Variants in CCDC169 observed in about 807,000 individuals in gnomAD.
CCDC169 encodes coiled-coil domain containing 169, also known as coiled-coil domain-containing protein 169.
In CCDC169, 30 loss-of-function variants were observed where a neutral mutation model predicts 36.0. The observed-to-expected ratio is 0.83, with a 90% CI of 0.62 to 1.13. The LOEUF is 1.13. Among genes scored for constraint, CCDC169 ranks in the 50% most tolerant of loss-of-function variants. The pLI, the probability that CCDC169 is intolerant of heterozygous loss-of-function variation, is 0.00. For missense variants in CCDC169, 245 were observed against 245.9 expected, an observed-to-expected ratio of 1.00 and a Z score of 0.03; for synonymous variants, 85 against 81.5, an observed-to-expected ratio of 1.04 and a Z score of -0.23.
At chr13:36,242,079 T>A (rs1830780145) in intron 7 of CCDC169, among the ~76,000 whole-genome samples, 1 of 152,338 alleles carries the variant, frequency 6.6e-6, no homozygotes, top group South Asian at 2.1e-4. Context: ...TCCCCAAACA[T>A]GTTTCCTACA....
At chr13:36,265,360 C>A (rs1016175631) in intron 4 of CCDC169, among the ~76,000 whole-genome samples, 2 of 152,200 alleles carry the variant, frequency 1.3e-5, no homozygotes, top group Non-Finnish European at 2.9e-5. Context: ...AAACTGATCA[C>A]CTTTTCTAAC....
At chr13:36,297,265 GA>G (rs370809094) in intron 1 of CCDC169, among the ~76,000 whole-genome samples, 42 of 146,452 alleles carry the variant, frequency 2.9e-4, no homozygotes, top group African/African-American at 7.5e-4. Flanking sequence ...AGGGATGAAA[GA>G]AAAAAAAAAC....
intron 4 of CCDC169, among the ~76,000 whole-genome samples, chr13:36,259,455 G>A (rs1874339451): frequency 6.6e-6 from 1 of 152,188 alleles, no homozygotes; most frequent in South Asian, 2.1e-4. Context: ...GAAGCAAAAG[G>A]ACACTCCACA....
chr13:36,228,007 C>T (rs567423154), downstream of CCDC169, among the ~76,000 whole-genome samples: 4 of 152,222 alleles, frequency 2.6e-5, no homozygotes, highest in South Asian at 8.3e-4. Flanking sequence ...CATTTCATTC[C>T]TTTCTACTGC....
intron 2 of CCDC169, among the ~76,000 whole-genome samples, chr13:36,284,608 T>C (rs1276983750): frequency 6.6e-6 from 1 of 152,214 alleles, no homozygotes; most frequent in East Asian, 1.9e-4. Context: ...GTCAAAGCAT[T>C]TTCCTTATGT....
At chr13:36,278,625 T>C (rs1469520031) in intron 4 of CCDC169, among the ~76,000 whole-genome samples, 1 of 152,056 alleles carries the variant, frequency 6.6e-6, no homozygotes, top group Non-Finnish European at 1.5e-5. Context: ...CTTCCAGTTG[T>C]CCCCCCATCC....
chr13:36,247,619 A>T (rs1394350036), intron 7 of CCDC169, among the ~76,000 whole-genome samples: 1 of 152,188 alleles, frequency 6.6e-6, no homozygotes, highest in African/African-American at 2.4e-5. Flanking sequence ...GAGAACTAGA[A>T]TTAGAAGTAG....
At chr13:36,288,304 G>A (rs139500103) in intron 2 of CCDC169, among the ~76,000 whole-genome samples, 9 of 152,196 alleles carry the variant, frequency 5.9e-5, no homozygotes, top group African/African-American at 1.2e-4. Context: ...GTGAGCCACC[G>A]TGCCCGACCC....
chr13:36,241,054 GTC>G (rs1871763126), intron 7 of CCDC169, among the ~76,000 whole-genome samples: 1 of 151,928 alleles, frequency 6.6e-6, no homozygotes, highest in South Asian at 2.1e-4. Flanking sequence ...AATCTACATA[GTC>G]TATATAGTAG....
chr13:36,260,651 G>A (rs747420563), intron 4 of CCDC169, among the ~76,000 whole-genome samples: 3 of 152,118 alleles, frequency 2.0e-5, no homozygotes, highest in Non-Finnish European at 4.4e-5. Flanking sequence ...TCTAGGTTAA[G>A]GTCTTACAAC....
Position 36,283,505 on chromosome 13 carries a change from T to C in CCDC169, c.279A>G (p.Arg93=), listed in dbSNP as rs1433787649. ...VEKIHGNSSD[R]LSSIRVYERM... ...GTTCATAGACACGAATAGAAGATAG[T>C]CTATCTACAATAAATCAAATATGAG... is the stretch of plus-strand genomic sequence containing the variant. Residue 93 remains arginine (R), a synonymous_variant, in exon 4 of 8, where the codon AGA becomes AGG. Transcript: ENST00000239859. 7 of 1,550,208 alleles carry C rather than the reference T, an allele frequency of 4.5e-6. No individual in the cohort carries two copies. The highest frequency in any genetic ancestry group is 6.1e-6 in the Non-Finnish European group (7 of 1,145,942).
At chr13:36,250,709 G>A (rs999851970) in intron 6 of CCDC169, among the ~76,000 whole-genome samples, 1 of 152,068 alleles carries the variant, frequency 6.6e-6, no homozygotes, top group Non-Finnish European at 1.5e-5. Context: ...AAAACCTATG[G>A]GAAGACTGAG....
chr13:36,227,413 A>C, downstream of CCDC169: 1 of 1,479,042 alleles, frequency 6.8e-7, no homozygotes. Context: ...GAACATGAAT[A>C]AGGACAGCGA....
At chr13:36,265,784 A>G in intron 4 of CCDC169, among the ~76,000 whole-genome samples, 1 of 152,190 alleles carries the variant, frequency 6.6e-6, no homozygotes, top group East Asian at 1.9e-4. Flanking sequence ...TCAACTGTCA[A>G]GTATATCTAT....
chr13:36,251,552 C>T (rs1873163227), intron 6 of CCDC169, among the ~76,000 whole-genome samples: 1 of 123,958 alleles, frequency 8.1e-6, no homozygotes, highest in Non-Finnish European at 1.9e-5. Flanking sequence ...TACTTTTAAC[C>T]TTAAAAAAAA....
chr13:36,249,923 G>A (rs937165935), intron 6 of CCDC169, among the ~76,000 whole-genome samples: 61 of 151,366 alleles, frequency 4.0e-4, no homozygotes, highest in African/African-American at 1.4e-3. Flanking sequence ...ATGAGTGACA[G>A]GTTTGGGTAT....
intron 7 of CCDC169, among the ~76,000 whole-genome samples, chr13:36,244,979 T>C (rs915790918): frequency 6.6e-6 from 1 of 152,140 alleles, no homozygotes. Flanking sequence ...TTTAAAGAAT[T>C]TGACTATTCA....
chr13:36,282,528 T>C (rs1877662295), intron 4 of CCDC169: 2 of 985,176 alleles, frequency 2.0e-6, no homozygotes, highest in South Asian at 9.4e-5. Flanking sequence ...AAAGCACCTG[T>C]CCAGAGAATA....
At chr13:36,242,956 C>T (rs1420049782) in intron 7 of CCDC169, among the ~76,000 whole-genome samples, 1 of 152,182 alleles carries the variant, frequency 6.6e-6, no homozygotes, top group African/African-American at 2.4e-5. Flanking sequence ...TTGGTAGTAA[C>T]TTGCCCAATT....
Sources: allele counts gnomAD v4.1 joint callset (sites outside exome capture counted in the v4.1 genomes callset), GRCh38; gene constraint gnomAD v4.1.1; transcripts MANE v1.5; gene names NCBI Gene and HGNC (gene_info 2026-07-23, HGNC 2026-07-21).